The following COL21A1 variants were observed in gnomAD, a reference collection of about 807,000 sequenced individuals.
The protein encoded by COL21A1 is collagen alpha-1(XXI) chain.
In COL21A1, 149 loss-of-function variants were observed where a neutral mutation model predicts 137.9. The observed-to-expected ratio is 1.08, with a 90% CI of 0.95 to 1.24. The LOEUF is 1.24. Among genes scored for constraint, COL21A1 ranks in the 50% most tolerant of loss-of-function variants. The probability of loss-of-function intolerance (pLI) is 0.00; values close to 1 mark genes in which losing one functional copy is unlikely to be tolerated. For synonymous variants in COL21A1, 456 were observed against 391.5 expected, an observed-to-expected ratio of 1.16 and a Z score of -1.95; for missense variants, 1,167 against 1,158.4, an observed-to-expected ratio of 1.01 and a Z score of -0.11.
At chr6:56,348,604 G>A (rs1410518846) in intron 1 of COL21A1, among the ~76,000 whole-genome samples, 2 of 152,168 alleles carry the variant, frequency 1.3e-5, no homozygotes, top group African/African-American at 4.8e-5. Flanking sequence ...AGAGGCCAAG[G>A]GGAGACGACA....
intron 1 of COL21A1, among the ~76,000 whole-genome samples, chr6:56,188,328 T>C (rs1778429373): frequency 6.6e-6 from 1 of 152,218 alleles, no homozygotes; most frequent in Admixed American, 6.5e-5. Flanking sequence ...ACTTTAGCAA[T>C]GTTTACAGTA....
chr6:56,113,155 T>C (rs972741715), intron 16 of COL21A1, among the ~76,000 whole-genome samples: 1 of 152,216 alleles, frequency 6.6e-6, no homozygotes, highest in Non-Finnish European at 1.5e-5. Flanking sequence ...ATCCTAGTGC[T>C]GAACTAGGCC....
intron 16 of COL21A1, among the ~76,000 whole-genome samples, chr6:56,121,333 G>A (rs993293878): frequency 6.6e-6 from 1 of 151,406 alleles, no homozygotes; most frequent in African/African-American, 2.4e-5. Flanking sequence ...TGCTGAAAAA[G>A]GAAAAACCCT....
intron 1 of COL21A1, among the ~76,000 whole-genome samples, chr6:56,322,079 GCCAAACTTGCA>G (rs1764882442): frequency 1.3e-5 from 2 of 152,034 alleles, no homozygotes; most frequent in South Asian, 4.2e-4. Context: ...ATTTCCCAAA[GCCAAACTTGCA>G]CCAAAAAAAG....
chr6:56,273,614 C>T (rs549305461), intron 1 of COL21A1, among the ~76,000 whole-genome samples: 29 of 152,186 alleles, frequency 1.9e-4, no homozygotes, highest in South Asian at 1.9e-3. Context: ...ACACAAATTA[C>T]GAAACCTAAA....
chr6:56,115,434 T>C (rs942749314), intron 16 of COL21A1, among the ~76,000 whole-genome samples: 3 of 152,190 alleles, frequency 2.0e-5, no homozygotes. Context: ...TTGGTACCTC[T>C]ACAAGTCTGC....
intron 17 of COL21A1, among the ~76,000 whole-genome samples, chr6:56,082,276 C>T (rs1409446419): frequency 6.6e-6 from 1 of 151,846 alleles, no homozygotes; most frequent in Non-Finnish European, 1.5e-5. Flanking sequence ...AAACCACCTA[C>T]CCCTTTATAT....
chr6:56,217,916 A>T (rs1282912819), intron 1 of COL21A1, among the ~76,000 whole-genome samples: 1 of 152,090 alleles, frequency 6.6e-6, no homozygotes, highest in African/African-American at 2.4e-5. Flanking sequence ...CACCTCTGAG[A>T]GCTGGAGGTT....
chr6:56,081,547 TA>T (rs1307227546), intron 17 of COL21A1, among the ~76,000 whole-genome samples: 1 of 147,156 alleles, frequency 6.8e-6, no homozygotes, highest in East Asian at 2.0e-4. Context: ...GTTTTTCAAT[TA>T]TTTTTTTTCC....
chr6:56,288,254 GAA>G (rs56038492), intron 1 of COL21A1, among the ~76,000 whole-genome samples: 3 of 145,954 alleles, frequency 2.1e-5, no homozygotes, highest in African/African-American at 4.9e-5. Context: ...AAAAATAAAA[GAA>G]AAAAAAAAGG....
chr6:56,266,798 T>C (rs983172804), intron 1 of COL21A1, among the ~76,000 whole-genome samples: 2 of 152,236 alleles, frequency 1.3e-5, no homozygotes, highest in Non-Finnish European at 2.9e-5. Context: ...CTTTATTCTT[T>C]AAAGAATGTA....
At chr6:56,306,463 T>G (rs191088829) in intron 1 of COL21A1, among the ~76,000 whole-genome samples, 1,776 of 152,308 alleles carry the variant, frequency 0.012, 38 homozygotes, top group African/African-American at 0.04. Flanking sequence ...CTTCTCTTCT[T>G]GCTTCATTTC....
intron 17 of COL21A1, among the ~76,000 whole-genome samples, chr6:56,089,968 G>A (rs1160706712): frequency 8.5e-5 from 13 of 152,310 alleles, no homozygotes; most frequent in South Asian, 2.1e-4. Context: ...CTGGCTGGGC[G>A]CAGTGGCTCA....
chr6:56,100,922 G>T (rs980073377), intron 17 of COL21A1, among the ~76,000 whole-genome samples: 2 of 152,098 alleles, frequency 1.3e-5, no homozygotes, highest in Admixed American at 6.6e-5. Flanking sequence ...CTTGAGGGTA[G>T]GTACCTTTGA....
intron 1 of COL21A1, among the ~76,000 whole-genome samples, chr6:56,306,831 GT>G (rs1314889104): frequency 2.0e-5 from 3 of 152,066 alleles, no homozygotes; most frequent in African/African-American, 4.8e-5. Flanking sequence ...TTTCTGCTCT[GT>G]TTTTTCCCCA....
rs79330255 is a variant in COL21A1 at position 56,182,640 on chromosome 6, T to C, written c.-22A>G. ...CCATGTTTCTGTTTTCGTTCTAATA[T>C]TTTGGTTTTAGGATTCCTAGGGGGA... On this transcript the variant is annotated 5_prime_UTR_variant, in exon 2 of 30. Transcript: ENST00000244728. 0.013 allele frequency: 20,882 copies of C among 1,563,630 alleles called. 453 individuals are homozygous for C. The highest frequency in any genetic ancestry group is 0.088 in the African/African-American group (6,521 of 73,892).
At chr6:56,366,973 T>C (rs1766115681) in intron 1 of COL21A1, among the ~76,000 whole-genome samples, 1 of 152,162 alleles carries the variant, frequency 6.6e-6, no homozygotes, top group Middle Eastern at 3.2e-3. Context: ...CTCAATTTAC[T>C]TAACAAAAAA....
Position 56,156,903 on chromosome 6 carries a change from C to T in COL21A1, c.1418G>A (p.Gly473Asp), listed in dbSNP as rs1324851505. 1 of 1,612,140 alleles carries T rather than the reference C, an allele frequency of 6.2e-7. No homozygotes were observed. The highest frequency in any genetic ancestry group is 8.5e-7 in the Non-Finnish European group (1 of 1,179,178). ...PGNPGYPGQP[G>D]QDGKPGYQGI... is the part of the protein sequence containing the mutation. ...AGTACTCACAGGCTTACCATCTTGACCAGGTTGTCCAGGGTAGCCAGGGTT... is the reference window on the plus strand; with the variant it reads ...AGTACTCACAGGCTTACCATCTTGATCAGGTTGTCCAGGGTAGCCAGGGTT... The change falls in exon 10 of 30, where the codon GGT (glycine) becomes GAT (aspartate). Residue 473 changes from glycine (G) to aspartate (D), a missense_variant. Transcript: ENST00000244728.
At chr6:56,293,573 AT>A (rs1410999940) in intron 1 of COL21A1, among the ~76,000 whole-genome samples, 1 of 152,168 alleles carries the variant, frequency 6.6e-6, no homozygotes, top group Non-Finnish European at 1.5e-5. Flanking sequence ...TGTCATATAA[AT>A]GTATTAATTT....
Sources: allele counts gnomAD v4.1 joint callset (sites outside exome capture counted in the v4.1 genomes callset), GRCh38; gene constraint gnomAD v4.1.1; transcripts MANE v1.5; gene names NCBI Gene and HGNC (gene_info 2026-07-23, HGNC 2026-07-21).